The following CDH13 variants were observed in gnomAD, a reference collection of about 807,000 sequenced individuals.
CDH13 encodes the protein cadherin 13.
Under a neutral mutation model 63.8 loss-of-function variants are expected in CDH13, and 24 were observed. That is an observed-to-expected ratio of 0.38 (90% CI 0.27 to 0.53). The LOEUF is 0.53. CDH13 is among the 20% of genes least tolerant of loss of function. The probability of loss-of-function intolerance (pLI) is 0.85; values close to 1 mark genes in which losing one functional copy is unlikely to be tolerated. For synonymous variants in CDH13, 503 were observed against 355.3 expected (o/e 1.42, Z -4.67); for missense variants, 1,049 against 903.1 (o/e 1.16, Z -2.07).
intron 6 of CDH13, among the ~76,000 whole-genome samples, chr16:83,463,063 G>A (rs1487615262): frequency 6.6e-6 from 1 of 152,074 alleles, no homozygotes; most frequent in Non-Finnish European, 1.5e-5. Flanking sequence ...GGAAGAGGAG[G>A]AAAATATAAC....
chr16:83,043,897 T>G (rs1282623597), intron 3 of CDH13, among the ~76,000 whole-genome samples: 2 of 152,156 alleles, frequency 1.3e-5, no homozygotes, highest in Non-Finnish European at 2.9e-5. Flanking sequence ...CTTTTCATAT[T>G]AAGTCATTGA....
intron 5 of CDH13, among the ~76,000 whole-genome samples, chr16:83,226,765 T>C (rs1279019526): frequency 6.6e-6 from 1 of 152,132 alleles, no homozygotes; most frequent in African/African-American, 2.4e-5. Flanking sequence ...GGGCAACTGC[T>C]CAGACTCCCA....
At chr16:82,746,971 A>T (rs540692426) in intron 1 of CDH13, among the ~76,000 whole-genome samples, 12 of 152,196 alleles carry the variant, frequency 7.9e-5, no homozygotes, top group Non-Finnish European at 1.6e-4. Flanking sequence ...TTGCTGTGCA[A>T]ATAGTAGAAA....
chr16:83,087,034 A>G (rs1235837311), intron 3 of CDH13, among the ~76,000 whole-genome samples: 1 of 152,238 alleles, frequency 6.6e-6, no homozygotes, highest in Non-Finnish European at 1.5e-5. Flanking sequence ...GACTAAGGCT[A>G]CCAAAGAAAA....
At chr16:82,874,823 A>G (rs2151194185) in intron 2 of CDH13, among the ~76,000 whole-genome samples, 1 of 152,312 alleles carries the variant, frequency 6.6e-6, no homozygotes, top group African/African-American at 2.4e-5. Context: ...ATACTAAGAA[A>G]GAGACTCAGC....
chr16:83,303,010 C>T (rs967187755), intron 5 of CDH13, among the ~76,000 whole-genome samples: 1 of 152,200 alleles, frequency 6.6e-6, no homozygotes, highest in African/African-American at 2.4e-5. Context: ...GCTGTCATTT[C>T]CAGTCCAACA....
rs564367054 is a variant in CDH13, at chr16:83,169,434, C to T, written c.483+43933C>T. Reference sequence around the variant, plus strand: ...TCATAATCTGCCTGCCTCGGCTTCCCGAAGTGCTGGGAGTAAGGTGTGAGC... The same window carrying T: ...TCATAATCTGCCTGCCTCGGCTTCCTGAAGTGCTGGGAGTAAGGTGTGAGC... On this transcript the variant is annotated intron_variant, in intron 4 of 13. Transcript: ENST00000567109. Among the ~76,000 whole-genome samples, 6 of 152,148 alleles carry T rather than the reference C, an allele frequency of 3.9e-5. No individual in the cohort carries two copies. In the East Asian group the frequency reaches 5.8e-4, roughly 15 times the overall value.
intron 9 of CDH13, among the ~76,000 whole-genome samples, chr16:83,674,329 C>G (rs879857947): frequency 4.6e-5 from 7 of 152,164 alleles, no homozygotes; most frequent in Admixed American, 4.6e-4. Context: ...GCTGCCAAAG[C>G]CCCAGGCATC....
chr16:83,460,433 A>G (rs1359071367), intron 6 of CDH13, among the ~76,000 whole-genome samples: 1 of 152,232 alleles, frequency 6.6e-6, no homozygotes, highest in Non-Finnish European at 1.5e-5. Flanking sequence ...GAACACTCCT[A>G]GAAGCATTTC....
At chr16:83,435,571 C>T (rs2072270719) in intron 6 of CDH13, among the ~76,000 whole-genome samples, 1 of 152,166 alleles carries the variant, frequency 6.6e-6, no homozygotes, top group Non-Finnish European at 1.5e-5. Flanking sequence ...CCCTGGTCTC[C>T]CTGAACGTGC....
intron 8 of CDH13, among the ~76,000 whole-genome samples, chr16:83,635,453 C>T (rs948888266): frequency 6.7e-6 from 1 of 148,758 alleles, no homozygotes; most frequent in Non-Finnish European, 1.5e-5. Flanking sequence ...AAGTGATTCT[C>T]CTGCCTCAGC....
At chr16:83,696,943 C>A (rs1200835268) in intron 10 of CDH13, among the ~76,000 whole-genome samples, 1 of 152,170 alleles carries the variant, frequency 6.6e-6, no homozygotes, top group East Asian at 1.9e-4. Context: ...CCCAGGAAGC[C>A]CCTGGCTGGC....
At chr16:82,741,025 T>C (rs1475280197) in intron 1 of CDH13, among the ~76,000 whole-genome samples, 1 of 152,166 alleles carries the variant, frequency 6.6e-6, no homozygotes, top group East Asian at 1.9e-4. Context: ...AAAAGTATTT[T>C]ATAGTTAACC....
intron 8 of CDH13, among the ~76,000 whole-genome samples, chr16:83,623,094 G>T (rs1909961447): frequency 6.6e-6 from 1 of 152,208 alleles, no homozygotes; most frequent in Admixed American, 6.5e-5. Context: ...GCTAGGTAGA[G>T]TAAGAAGGGG....
rs760800080 is a variant in CDH13, at chr16:83,670,861, C to A, written c.1173C>A (p.Pro391=). The change falls in exon 9 of 14, where the codon CCC becomes CCA. Residue 391 remains proline, a synonymous_variant. Coordinates refer to ENST00000567109, the MANE Select transcript of CDH13 (RefSeq NM_001257.5). ...VNLTVEDKDD[P]TTGAWRAAYT... ...TGACAGTTGAAGATAAGGATGACCC[C>A]ACCACAGGTGCATGGAGGGCTGCCT... 8.7e-5 allele frequency: 141 copies of A among 1,613,758 alleles called. No homozygotes were observed. Among genetic ancestry groups the A allele is most frequent in the Non-Finnish European group, 1.2e-4 (140 of 1,179,848 alleles).
chr16:83,178,475 G>A (rs1405330026), intron 4 of CDH13, among the ~76,000 whole-genome samples: 3 of 152,078 alleles, frequency 2.0e-5, no homozygotes, highest in African/African-American at 7.2e-5. Context: ...TTTCATAGAT[G>A]GTTATAGAAT....
At chr16:83,751,544 G>A (rs1364888406) in intron 11 of CDH13, among the ~76,000 whole-genome samples, 5 of 152,220 alleles carry the variant, frequency 3.3e-5, no homozygotes, top group Admixed American at 1.3e-4. Flanking sequence ...GGCAGCTGCC[G>A]CAGAAATACA....
At chr16:83,647,434 C>T (rs1375955551) in intron 8 of CDH13, among the ~76,000 whole-genome samples, 1 of 152,140 alleles carries the variant, frequency 6.6e-6, no homozygotes, top group Non-Finnish European at 1.5e-5. Context: ...AAAGTTTCTC[C>T]CCCATTTTGC....
intron 8 of CDH13, among the ~76,000 whole-genome samples, chr16:83,648,766 C>G (rs1912079041): frequency 6.6e-6 from 1 of 152,166 alleles, no homozygotes; most frequent in Admixed American, 6.5e-5. Context: ...CTCTCTCCCT[C>G]TCCCCATCTC....
Sources: gnomAD v4.1 joint callset for allele counts (sites outside exome capture counted in the v4.1 genomes callset) on GRCh38, gnomAD v4.1.1 for gene constraint, MANE v1.5 for transcripts, NCBI Gene and HGNC (gene_info 2026-07-23, HGNC 2026-07-21) for gene names.